The following SMARCC1 variants were observed in gnomAD, a reference collection of about 807,000 sequenced individuals.
The protein encoded by SMARCC1 is SWI/SNF related BAF chromatin remodeling complex subunit C1.
A neutral mutation model predicts 147.4 loss-of-function variants in SMARCC1; 43 were observed. The ratio of observed to expected loss-of-function variants is 0.29; its 90% confidence interval spans 0.23 to 0.38. The LOEUF (loss-of-function observed/expected upper bound fraction) is 0.38. Ranked by LOEUF, SMARCC1 falls within the 10% of genes least tolerant of loss-of-function variation. The probability of loss-of-function intolerance (pLI) is 1.00; values close to 1 mark genes in which losing one functional copy is unlikely to be tolerated. For synonymous variants in SMARCC1, 495 were observed against 484.4 expected (o/e 1.02, Z -0.29); for missense variants, 1,119 against 1,381.1 (o/e 0.81, Z 3.01).
chr3:47,723,325 T>C (rs886759786), intron 6 of SMARCC1, among the ~76,000 whole-genome samples: 1 of 147,800 alleles, frequency 6.8e-6, no homozygotes, highest in Non-Finnish European at 1.5e-5. Context: ...TTAGCTTAGA[T>C]AGAAGAACAG....
chr3:47,706,246 A>G (rs1056266202), intron 10 of SMARCC1, among the ~76,000 whole-genome samples, 163 bp downstream of exon 10: 5 of 151,586 alleles, frequency 3.3e-5, no homozygotes, highest in Admixed American at 6.6e-5. Context: ...TAATTTTTAT[A>G]TTTTTAGTAG....
chr3:47,650,298 A>AATTATT (rs55981108), intron 21 of SMARCC1, among the ~76,000 whole-genome samples: 42 of 141,062 alleles, frequency 3.0e-4, no homozygotes, highest in East Asian at 2.6e-3. Context: ...TAATAATAAT[A>AATTATT]ATTATTATTA....
intron 10 of SMARCC1, among the ~76,000 whole-genome samples, chr3:47,702,993 C>T (rs2033944810): frequency 6.6e-6 from 1 of 152,200 alleles, no homozygotes; most frequent in African/African-American, 2.4e-5. Flanking sequence ...GTGGCACTAT[C>T]TCAGCTCACT....
At chr3:47,759,014 A>AC (rs970695790) in intron 2 of SMARCC1, among the ~76,000 whole-genome samples, 23 of 91,558 alleles carry the variant, frequency 2.5e-4, no homozygotes, top group Non-Finnish European at 4.5e-4. Context: ...CGAAACTCTG[A>AC]CCCAAAAAAA....
chr3:47,775,975 C>T (rs760515164), intron 1 of SMARCC1, among the ~76,000 whole-genome samples: 1 of 151,948 alleles, frequency 6.6e-6, no homozygotes, highest in Admixed American at 6.6e-5. Context: ...TAGTGAAACC[C>T]CGTCTCTACT....
intron 26 of SMARCC1, 70 bp from the exon 27 acceptor site, chr3:47,590,907 C>A: frequency 7.8e-7 from 1 of 1,284,246 alleles, no homozygotes; most frequent in African/African-American, 1.5e-5. Context: ...AACTTAAATC[C>A]AACTCCTAAA....
chr3:47,778,593 G>A (rs1429323633), intron 1 of SMARCC1, among the ~76,000 whole-genome samples: 2 of 151,968 alleles, frequency 1.3e-5, no homozygotes, highest in African/African-American at 4.8e-5. Flanking sequence ...CTGGGATTAC[G>A]GACGCAAGCC....
At chr3:47,636,947 C>T (rs998359690) in intron 22 of SMARCC1, among the ~76,000 whole-genome samples, 2 of 152,092 alleles carry the variant, frequency 1.3e-5, no homozygotes, top group Non-Finnish European at 2.9e-5. Context: ...TCTTTTAATA[C>T]AGCCATCTGC....
Position 47,698,751 on chromosome 3 carries a change from T to C in SMARCC1, c.1165+2527A>G, listed in dbSNP as rs531245669. 6.6e-5 allele frequency among the ~76,000 whole-genome samples: 10 copies of C among 151,880 alleles called. No homozygotes were observed. The East Asian group carries it at 1.7e-3, about 26-fold the overall frequency. On this transcript the variant is annotated intron_variant, in intron 11 of 27. Coordinates refer to ENST00000254480, the MANE Select transcript of SMARCC1 (RefSeq NM_003074.4). ...AAGAGCTATAATAGCAAAAACAATA[T>C]TGAAAAATGTGAACAAAAGTTGAAG... is the stretch of plus-strand genomic sequence containing the variant.
At chr3:47,684,948 A>C (rs1003758689) in intron 14 of SMARCC1, among the ~76,000 whole-genome samples, 1 of 152,242 alleles carries the variant, frequency 6.6e-6, no homozygotes, top group Non-Finnish European at 1.5e-5. Context: ...AAGAACAAGT[A>C]TAACAATTTA....
chr3:47,720,289 A>C (rs2034215454), intron 7 of SMARCC1, among the ~76,000 whole-genome samples: 1 of 151,398 alleles, frequency 6.6e-6, no homozygotes, highest in Non-Finnish European at 1.5e-5. Context: ...ACGTCTGGCT[A>C]ATTTTTTTTA....
chr3:47,693,310 GAAAA>G lies in SMARCC1; in HGVS notation c.1166-14_1166-11del. ...TCTTTCTTTAGGTTCACTAGAAAAA[GAAAA>G]AAAAGAGTTATGTTTATGTGGGAAA... On this transcript the variant is annotated splice_polypyrimidine_tract_variant and intron_variant, in intron 11 of 27. Coordinates refer to ENST00000254480, the MANE Select transcript of SMARCC1 (RefSeq NM_003074.4). 2.0e-6 allele frequency: 3 copies of G among 1,475,794 alleles called. No homozygotes were observed. Among genetic ancestry groups the G allele is most frequent in the Non-Finnish European group, 2.8e-6 (3 of 1,060,892 alleles). The allele number at this position is 1,475,794 out of a possible 1,614,324, so 91.4% of individuals were successfully genotyped here.
intron 3 of SMARCC1, 37 bp from the exon 4 acceptor site, chr3:47,738,147 C>T (rs941590482): frequency 2.9e-6 from 4 of 1,385,244 alleles, no homozygotes; most frequent in Middle Eastern, 1.8e-4. Context: ...ATTTGTCTCC[C>T]AGCTTAAACA....
intron 3 of SMARCC1, among the ~76,000 whole-genome samples, chr3:47,740,178 C>CTTTTTTTTTTTTTTT: frequency 2.8e-5 from 1 of 35,708 alleles, no homozygotes; most frequent in Non-Finnish European, 5.6e-5. Flanking sequence ...GCCCGGCCAT[C>CTTTTTTTTTTTTTTT]TTTTTTTTTT....
At chr3:47,603,490 A>G (rs979315497) in intron 26 of SMARCC1, 2 of 152,584 alleles carry the variant, frequency 1.3e-5, no homozygotes, top group Non-Finnish European at 1.5e-5. Context: ...TAAGCAGCAC[A>G]CCTCAGCAAA....
intron 19 of SMARCC1, 55 bp from the exon 20 acceptor site, chr3:47,662,647 A>C: frequency 2.0e-6 from 3 of 1,467,766 alleles, no homozygotes; most frequent in Non-Finnish European, 2.8e-6. Flanking sequence ...GTAATGTGTA[A>C]TATTAGAAGT....
intron 12 of SMARCC1, among the ~76,000 whole-genome samples, chr3:47,692,154 C>A (rs990478941): frequency 5.9e-5 from 9 of 152,290 alleles, no homozygotes; most frequent in African/African-American, 1.9e-4. Flanking sequence ...ACAATAGGTT[C>A]TCCTTTACAA....
At position 47,675,577 on chromosome 3, in the gene SMARCC1, A is replaced by C; in HGVS notation, c.1737T>G (p.Ala579=). ...LHLRSPQVPA[A]QQMLNFPEKN... Reference sequence around the variant, plus strand: ...TCTCAGGAAAATTTAGCATCTGTTGAGCAGCAGGAACCTGAGTCAAATAAA... The same window carrying C: ...TCTCAGGAAAATTTAGCATCTGTTGCGCAGCAGGAACCTGAGTCAAATAAA... Residue 579 remains alanine, a synonymous_variant, in exon 18 of 28, where the codon GCT becomes GCG. Transcript: ENST00000254480. 1 of 1,588,342 alleles carries C rather than the reference A, an allele frequency of 6.3e-7. No individual in the cohort carries two copies. Among genetic ancestry groups the C allele is most frequent in the Non-Finnish European group, 8.6e-7 (1 of 1,156,546 alleles).
At chr3:47,749,995 T>C (rs557449575) in intron 2 of SMARCC1, among the ~76,000 whole-genome samples, 3 of 150,058 alleles carry the variant, frequency 2.0e-5, no homozygotes, top group Non-Finnish European at 3.0e-5. Context: ...GGCAGAAGAA[T>C]AGCATGAACC....
Sources: gnomAD v4.1 joint callset for allele counts (sites outside exome capture counted in the v4.1 genomes callset) on GRCh38, gnomAD v4.1.1 for gene constraint, MANE v1.5 for transcripts, NCBI Gene and HGNC (gene_info 2026-07-23, HGNC 2026-07-21) for gene names.